Variants in CEP131 observed in about 807,000 individuals in gnomAD.
CEP131 encodes centrosomal protein 131.
CEP131 carries 99 observed loss-of-function variants against 136.8 expected under a neutral mutation model. That is an observed-to-expected ratio of 0.72 (90% CI 0.62 to 0.86). The LOEUF (loss-of-function observed/expected upper bound fraction) is 0.86. Among genes scored for constraint, CEP131 ranks in the 40% least tolerant of loss-of-function variants. The pLI is 0.00. For missense variants in CEP131, 1,459 were observed against 1,463.0 expected (o/e 1.00, Z 0.04); for synonymous variants, 646 against 612.7 (o/e 1.05, Z -0.80).
intron 18 of CEP131, among the ~76,000 whole-genome samples, chr17:81,193,276 C>T (rs1441067763): frequency 6.6e-6 from 1 of 152,244 alleles, no homozygotes; most frequent in African/African-American, 2.4e-5. Context: ...AGCAAGCTCG[C>T]GCCAGGGCCT....
At chr17:81,194,285 C>T (rs763696800) in intron 17 of CEP131, among the ~76,000 whole-genome samples, 158 bp from the exon 18 acceptor site, 3 of 152,170 alleles carry the variant, frequency 2.0e-5, no homozygotes, top group Admixed American at 6.5e-5. Flanking sequence ...TTGACGCCCA[C>T]GAGGTGGGGA....
intron 2 of CEP131, among the ~76,000 whole-genome samples, chr17:81,214,939 A>G (rs1292197586): frequency 1.4e-5 from 2 of 146,016 alleles, no homozygotes; most frequent in Non-Finnish European, 3.0e-5. Flanking sequence ...CGCCCGGCTA[A>G]TTTTTTTTTT....
At position 81,207,174 on chromosome 17, in the gene CEP131, GC is replaced by G. The variant is rs761594568; in HGVS notation, c.337del (p.Ala113ProfsTer3). On this transcript the variant is annotated frameshift_variant, in exon 4 of 26. Transcript: ENST00000450824. LOFTEE classifies it high-confidence loss of function. The stretch of plus-strand genomic sequence containing the variant: ...CTCGCTGGGGGCTGTGCTCAGGCTG[GC>G]AGGCCTCTTTTTCCCACTGGGGCTG... The part of the protein sequence containing the change: ...EGSPSGKKRP[A>X]SLSTAPSEKG... 1 of 1,613,570 alleles carries G rather than the reference GC, an allele frequency of 6.2e-7. No homozygotes were observed. Among genetic ancestry groups the G allele is most frequent in the Admixed American group, 1.7e-5 (1 of 59,886 alleles).
At chr17:81,197,916 G>A (rs775780337) in intron 12 of CEP131, 28 bp from the exon 13 acceptor site, 2 of 1,599,914 alleles carry the variant, frequency 1.3e-6, no homozygotes, top group Non-Finnish European at 1.7e-6. Flanking sequence ...AGCATCGGGG[G>A]CTGTCAGGGC....
At chr17:81,218,150 C>G (rs954863561) in intron 2 of CEP131, among the ~76,000 whole-genome samples, 4 of 152,106 alleles carry the variant, frequency 2.6e-5, no homozygotes, top group African/African-American at 9.7e-5. Flanking sequence ...TCAAGCAACT[C>G]TCCTGTCTCA....
Position 81,203,548 on chromosome 17 carries a change from G to A in CEP131, c.575C>T (p.Pro192Leu), listed in dbSNP as rs766010160. The change falls in exon 6 of 26, where the codon CCC (proline) becomes CTC (leucine). Residue 192 changes from proline to leucine, a missense_variant. Around this residue, in one of 3 missense-constraint regions of CEP131, gnomAD observed 246 missense variants for 318.9 expected, o/e 0.77. Transcript: ENST00000450824. The surrounding 1 kb of genome is among the most constrained non-coding windows in gnomAD (Gnocchi z 4.6). ...VTTMVHNRYT[P>L]SERAPPLKSS... ...CTTGAGCGGAGGCGCCCTCTCCGAGGGGGTGTAGCGGTTGTGCACCATGGT... is the reference window on the plus strand; with the variant it reads ...CTTGAGCGGAGGCGCCCTCTCCGAGAGGGTGTAGCGGTTGTGCACCATGGT... 2.5e-6 allele frequency: 4 copies of A among 1,608,898 alleles called. No homozygotes were observed. Among genetic ancestry groups the A allele is most frequent in the South Asian group, 1.1e-5 (1 of 89,938 alleles).
Position 81,198,950 on chromosome 17 carries a change from C to A in CEP131, c.1214G>T (p.Gly405Val). ...NNTGGGLPAA[G>V]PGDRCLPTSD... Reference sequence around the variant, plus strand: ...GGTGGGCAGGCAGCGGTCTCCGGGGCCTGCAGCAGGGAGGCCACCACCTGC... The same window carrying A: ...GGTGGGCAGGCAGCGGTCTCCGGGGACTGCAGCAGGGAGGCCACCACCTGC... Residue 405 changes from glycine (G) to valine (V), a missense_variant, in exon 11 of 26, where the codon GGC becomes GTC. By Grantham distance (109) the Gly-to-Val change is moderately radical. Transcript: ENST00000450824. 1.3e-6 allele frequency: 2 copies of A among 1,580,938 alleles called. No homozygotes were observed. Among genetic ancestry groups the A allele is most frequent in the Non-Finnish European group, 8.6e-7 (1 of 1,165,422 alleles).
At chr17:81,192,255 C>A in intron 21 of CEP131, 63 bp downstream of exon 21, 1 of 1,500,384 alleles carries the variant, frequency 6.7e-7, no homozygotes, top group South Asian at 1.2e-5. Context: ...TGGGGCAGCC[C>A]CCAACTCCTG....
intron 4 of CEP131, 107 bp from the exon 5 acceptor site, chr17:81,206,978 G>C: frequency 6.5e-7 from 1 of 1,536,212 alleles, no homozygotes; most frequent in Non-Finnish European, 8.7e-7. Context: ...CATACAGACA[G>C]GTGGATGTCC....
intron 18 of CEP131, among the ~76,000 whole-genome samples, chr17:81,193,364 CAG>C (rs1227448503): frequency 6.6e-6 from 1 of 152,220 alleles, no homozygotes; most frequent in African/African-American, 2.4e-5. Flanking sequence ...CGACAGGCAA[CAG>C]GGTGGATAGG....
intron 1 of CEP131, among the ~76,000 whole-genome samples, chr17:81,221,540 G>GTGT (rs1187290363): frequency 3.5e-4 from 54 of 152,130 alleles, no homozygotes; most frequent in Non-Finnish European, 7.6e-4. Flanking sequence ...CCCCTTTGTT[G>GTGT]TGGCTTTAGC....
chr17:81,219,309 T>TA lies in CEP131; in HGVS notation c.177+570_177+571insT. Among the ~76,000 whole-genome samples, 1 of 150,590 alleles carries TA rather than the reference T, an allele frequency of 6.6e-6. No homozygotes were observed. Among genetic ancestry groups the TA allele is most frequent in the Middle Eastern group, 3.4e-3 (1 of 294 alleles). On this transcript the variant is annotated intron_variant, in intron 2 of 25. Coordinates refer to ENST00000450824, the MANE Select transcript of CEP131 (RefSeq NM_014984.4). This position sits in a 1 kb window ranked among gnomAD's most constrained non-coding sequence, Gnocchi z 4.0. ...CCCCATTTCTTTCTTTTTTTTTTTT[T>TA]TTTGAGATGGCATCTCACTCTGTCG...
chr17:81,192,033 C>T (rs1567846482), intron 21 of CEP131, among the ~76,000 whole-genome samples: 2 of 152,000 alleles, frequency 1.3e-5, no homozygotes, highest in Non-Finnish European at 2.9e-5. Context: ...GGTCGTGGGG[C>T]GCAGGGGTGT....
intron 2 of CEP131, among the ~76,000 whole-genome samples, chr17:81,218,516 CT>C (rs2062307696): frequency 6.6e-6 from 1 of 152,276 alleles, no homozygotes; most frequent in African/African-American, 2.4e-5. Flanking sequence ...CTGGTTACCC[CT>C]CTGCTAAAAC....
At position 81,194,136 on chromosome 17, in the gene CEP131, G is replaced by A. The variant is rs200828778; in HGVS notation, c.2120-9C>T. 47 of 1,512,064 alleles carry A rather than the reference G, an allele frequency of 3.1e-5. No homozygotes were observed. In the East Asian group the frequency reaches 6.5e-4, roughly 21 times the overall value. 93.7% of individuals were successfully genotyped at this position (1,512,064 alleles called of 1,614,324 possible). A position where few individuals can be genotyped will look rare whatever the true frequency, so the allele number is the denominator to read the frequency against. On this transcript the variant is annotated splice_polypyrimidine_tract_variant and intron_variant, in intron 17 of 25. Coordinates refer to ENST00000450824, the MANE Select transcript of CEP131 (RefSeq NM_014984.4). ...GATCTCGGGCTCCAGACCTGGGGGC[G>A]GGGCACCAGCTAGGGCCACGTCCAG...
intron 2 of CEP131, among the ~76,000 whole-genome samples, chr17:81,218,029 C>T (rs1468872683): frequency 2.0e-5 from 3 of 151,546 alleles, no homozygotes; most frequent in Non-Finnish European, 4.4e-5. Flanking sequence ...CTCCCCCTCC[C>T]CCTCCCTCTT....
At position 81,215,965 on chromosome 17, in the gene CEP131, C is replaced by T. The variant is rs2062236342; in HGVS notation, c.177+3915G>A. Reference sequence around the variant, plus strand: ...GCAGGGTCAGGTGCAGCGGCCCACACCCGTAATCCCAGCACTTTGGGAGGC... The same window carrying T: ...GCAGGGTCAGGTGCAGCGGCCCACATCCGTAATCCCAGCACTTTGGGAGGC... On this transcript the variant is annotated intron_variant, in intron 2 of 25. Coordinates refer to ENST00000450824, the MANE Select transcript of CEP131 (RefSeq NM_014984.4). The surrounding 1 kb of genome is among the most constrained non-coding windows in gnomAD (Gnocchi z 4.1). Among the ~76,000 whole-genome samples the T allele has an allele frequency of 6.6e-6, 1 of 152,128 alleles. No homozygotes were observed. Among genetic ancestry groups the T allele is most frequent in the Non-Finnish European group, 1.5e-5 (1 of 68,034 alleles).
intron 24 of CEP131, among the ~76,000 whole-genome samples, chr17:81,190,431 A>C (rs2061612242): frequency 6.6e-6 from 1 of 152,158 alleles, no homozygotes; most frequent in South Asian, 2.1e-4. Flanking sequence ...GGGATGGCCG[A>C]CACCCTAGAC....
chr17:81,190,746 C>T lies in CEP131; in HGVS notation c.3000G>A (p.Glu1000=). 6.2e-7 allele frequency: 1 copy of T among 1,612,006 alleles called. No individual in the cohort carries two copies. The highest frequency in any genetic ancestry group is 8.5e-7 in the Non-Finnish European group (1 of 1,179,618). Residue 1000 remains glutamate, a synonymous_variant, in exon 24 of 26, where the codon GAG becomes GAA. Transcript: ENST00000450824. The part of the protein sequence containing the change: ...RSNLAQVIRQ[E]FEDRLAASEE... ...CAGAGGCTGCCAGCCGGTCCTCGAA[C>T]TCCTGGCGGATCACCTGGGCCAGGT...
Sources: gnomAD v4.1 joint callset for allele counts (sites outside exome capture counted in the v4.1 genomes callset) on GRCh38, gnomAD v4.1.1 for gene constraint, gnomAD v4.1.1 regional missense constraint, Gnocchi (gnomAD v3.1) non-coding constraint, MANE v1.5 for transcripts, NCBI Gene and HGNC (gene_info 2026-07-23, HGNC 2026-07-21) for gene names.